Variants in GRK3 observed in about 807,000 individuals in gnomAD.
GRK3 encodes the protein adrenergic, beta, receptor kinase 2.
In GRK3, 54 loss-of-function variants were observed where a neutral mutation model predicts 95.7. That is an observed-to-expected ratio of 0.56 (90% CI 0.45 to 0.71). The LOEUF is 0.71. Among genes scored for constraint, GRK3 ranks in the 30% least tolerant of loss-of-function variants. The pLI is 0.00. For synonymous variants in GRK3, 281 were observed against 290.8 expected (o/e 0.97, Z 0.34); for missense variants, 649 against 851.2 (o/e 0.76, Z 2.96).
chr22:25,647,727 A>C, intron 3 of GRK3: 1 of 1,295,392 alleles, frequency 7.7e-7, no homozygotes, highest in East Asian at 2.3e-5. Flanking sequence ...CCATTCAGGC[A>C]GAAGAATGGT....
intron 6 of GRK3, among the ~76,000 whole-genome samples, chr22:25,670,461 A>G (rs1242027886): frequency 6.6e-6 from 1 of 152,050 alleles, no homozygotes; most frequent in East Asian, 1.9e-4. Flanking sequence ...GGATTGCACC[A>G]CTGCACTCCG....
At chr22:25,608,599 C>T (rs1335081499) in intron 2 of GRK3, among the ~76,000 whole-genome samples, 2 of 152,192 alleles carry the variant, frequency 1.3e-5, no homozygotes, top group South Asian at 2.1e-4. Flanking sequence ...AGATGGAGGG[C>T]GTGTGGGTGC....
intron 3 of GRK3, chr22:25,647,429 C>G: frequency 7.6e-7 from 1 of 1,315,956 alleles, no homozygotes; most frequent in Non-Finnish European, 1.1e-6. Flanking sequence ...GCCGTCTTTC[C>G]ATTCCATTAT....
intron 1 of GRK3, among the ~76,000 whole-genome samples, chr22:25,602,305 T>G (rs921330644): frequency 3.9e-5 from 6 of 152,108 alleles, no homozygotes; most frequent in African/African-American, 1.4e-4. Flanking sequence ...GGCCAAAATT[T>G]AAAAAGACTT....
At chr22:25,671,126 G>A (rs1420755610) in intron 6 of GRK3, among the ~76,000 whole-genome samples, 1 of 151,800 alleles carries the variant, frequency 6.6e-6, no homozygotes, top group Non-Finnish European at 1.5e-5. Flanking sequence ...GGCTGAGGCG[G>A]GCGGATCACA....
chr22:25,678,108 T>G (rs1202424836), intron 8 of GRK3, among the ~76,000 whole-genome samples: 1 of 152,174 alleles, frequency 6.6e-6, no homozygotes, highest in Non-Finnish European at 1.5e-5. Context: ...CCCTTTCCAT[T>G]TTGTTGATCA....
chr22:25,690,959 G>A (rs1601529980), intron 12 of GRK3, among the ~76,000 whole-genome samples: 2 of 152,256 alleles, frequency 1.3e-5, no homozygotes, highest in East Asian at 3.9e-4. Context: ...TGACACCTCG[G>A]GGACACCAGA....
intron 1 of GRK3, among the ~76,000 whole-genome samples, chr22:25,566,911 G>A (rs1931511239): frequency 6.7e-6 from 1 of 150,334 alleles, no homozygotes; most frequent in Non-Finnish European, 1.5e-5. Flanking sequence ...TTTTTTTGGG[G>A]GGGGCTAGTA....
Position 25,672,297 on chromosome 22 carries a change from G to A in GRK3, c.505G>A (p.Asp169Asn). 7.1e-7 allele frequency: 1 copy of A among 1,406,102 alleles called. No homozygotes were observed. The highest frequency in any genetic ancestry group is 9.9e-7 in the Non-Finnish European group (1 of 1,010,828). The allele number at this position is 1,406,102 out of a possible 1,614,324, so 87.1% of individuals were successfully genotyped here. ...GDIFQKFMES[D>N]KFTRFCQWKN... is the part of the protein sequence containing the mutation. Reference sequence around the variant, plus strand: ...AGTAATTATTTTATTCTCTTTTAGTGACAAGTTCACTAGATTTTGTCAGTG... The same window carrying A: ...AGTAATTATTTTATTCTCTTTTAGTAACAAGTTCACTAGATTTTGTCAGTG... The change falls in exon 7 of 21, where the codon GAC becomes AAC. Residue 169 changes from aspartate to asparagine, a missense_variant and splice_region_variant. Physicochemically the swap from Asp to Asn is conservative, Grantham distance 23. Coordinates refer to ENST00000324198, the MANE Select transcript of GRK3 (RefSeq NM_005160.4).
chr22:25,633,129 C>T (rs2084675932), intron 2 of GRK3, among the ~76,000 whole-genome samples: 1 of 151,876 alleles, frequency 6.6e-6, no homozygotes, highest in South Asian at 2.1e-4. Context: ...GTTGGCTAGA[C>T]TGGCTTCGAA....
chr22:25,682,446 T>A (rs2085082225), intron 9 of GRK3, among the ~76,000 whole-genome samples: 1 of 152,204 alleles, frequency 6.6e-6, no homozygotes, highest in Non-Finnish European at 1.5e-5. Flanking sequence ...TTGGGAAGCC[T>A]TGATTTCTCT....
At chr22:25,577,402 T>A (rs1330981631) in intron 1 of GRK3, among the ~76,000 whole-genome samples, 1 of 152,204 alleles carries the variant, frequency 6.6e-6, no homozygotes, top group Non-Finnish European at 1.5e-5. Flanking sequence ...CTCGAACTCC[T>A]GGCCTCAAGT....
chr22:25,678,334 A>G (rs962320938), intron 8 of GRK3, among the ~76,000 whole-genome samples: 2 of 152,200 alleles, frequency 1.3e-5, no homozygotes, highest in Non-Finnish European at 1.5e-5. Context: ...GGGCGCCTGT[A>G]GTCCCAGCTA....
intron 2 of GRK3, among the ~76,000 whole-genome samples, chr22:25,631,733 C>T (rs911378992): frequency 6.6e-6 from 1 of 152,214 alleles, no homozygotes; most frequent in Non-Finnish European, 1.5e-5. Context: ...GGTGACCCTT[C>T]GTAGTCAACC....
rs968321417 is a variant in GRK3, at chr22:25,727,187, T to C, written c.*4737T>C. The C allele has an allele frequency of 1.3e-5, 2 of 152,190 alleles. No individual in the cohort carries two copies. The highest frequency in any genetic ancestry group is 4.8e-5 in the African/African-American group (2 of 41,442). 9.4% of individuals were successfully genotyped at this position (152,190 alleles called of 1,614,324 possible). ...AAATTTTTTTAAGTAATTAACCGTT[T>C]AAATTTTTTCCTAAAGATTTAACAT... On this transcript the variant is annotated 3_prime_UTR_variant, in exon 21 of 21. Coordinates refer to ENST00000324198, the MANE Select transcript of GRK3 (RefSeq NM_005160.4).
At chr22:25,626,083 G>A (rs138844546) in intron 2 of GRK3, among the ~76,000 whole-genome samples, 3,410 of 152,074 alleles carry the variant, frequency 0.022, 62 homozygotes, top group Middle Eastern at 0.068. Context: ...ACACTCTCTC[G>A]TCGCCGCACA....
intron 12 of GRK3, among the ~76,000 whole-genome samples, chr22:25,694,683 G>A (rs780238844): frequency 6.6e-6 from 1 of 152,246 alleles, no homozygotes; most frequent in South Asian, 2.1e-4. Context: ...CCACACAGGG[G>A]TGGACGTCTC....
At chr22:25,610,099 C>T (rs1332764808) in intron 2 of GRK3, among the ~76,000 whole-genome samples, 1 of 152,132 alleles carries the variant, frequency 6.6e-6, no homozygotes, top group Non-Finnish European at 1.5e-5. Context: ...GATCCACCCA[C>T]CTCGGCCTCC....
intron 8 of GRK3, among the ~76,000 whole-genome samples, chr22:25,678,601 C>T (rs978797928): frequency 5.3e-5 from 8 of 152,238 alleles, no homozygotes; most frequent in Admixed American, 5.2e-4. Context: ...GGACTTCTAT[C>T]CATTTAATGA....
Sources: gnomAD v4.1 joint callset for allele counts (sites outside exome capture counted in the v4.1 genomes callset) on GRCh38, gnomAD v4.1.1 for gene constraint, MANE v1.5 for transcripts, NCBI Gene and HGNC (gene_info 2026-07-23, HGNC 2026-07-21) for gene names.